The following MEIS1 variants were observed in gnomAD, a reference collection of about 807,000 sequenced individuals.
The protein encoded by MEIS1 is Meis homeobox 1.
MEIS1 carries 5 observed loss-of-function variants against 50.8 expected under a neutral mutation model. The observed-to-expected ratio is 0.10, with a 90% CI of 0.05 to 0.21. The LOEUF is 0.21. Among genes scored for constraint, MEIS1 ranks in the 10% least tolerant of loss-of-function variants. MEIS1 has a pLI of 1.00. For missense variants in MEIS1, 318 were observed against 517.3 expected (o/e 0.61, Z 3.74); for synonymous variants, 176 against 179.3 (o/e 0.98, Z 0.15).
chr2:66,532,067 G>C (rs1674405562), intron 8 of MEIS1, among the ~76,000 whole-genome samples: 1 of 152,082 alleles, frequency 6.6e-6, no homozygotes, highest in Admixed American at 6.5e-5. Flanking sequence ...TGGGTAAAAG[G>C]GAGGTTCTGA....
chr2:66,505,882 G>C (rs1403421778), intron 7 of MEIS1, among the ~76,000 whole-genome samples: 1 of 152,180 alleles, frequency 6.6e-6, no homozygotes, highest in Non-Finnish European at 1.5e-5. Flanking sequence ...CCAGCTCTGA[G>C]AAATGTATTT....
chr2:66,435,886 A>G lies in MEIS1; in HGVS notation c.12+18A>G. On this transcript the variant is annotated intron_variant, in intron 1 of 12. Transcript: ENST00000272369. ...CGCAAAGGGTACGTATTAAAAAACA[A>G]TTGTGGAACTCAAATGTGAGATTAA... 2 of 1,554,920 alleles carry G rather than the reference A, an allele frequency of 1.3e-6. No individual in the cohort carries two copies. The highest frequency in any genetic ancestry group is 1.7e-6 in the Non-Finnish European group (2 of 1,157,918).
In MEIS1 at chr2:66,459,024, G is replaced by A. The variant is rs570356126; in HGVS notation, c.631-5085G>A. 6.6e-5 allele frequency among the ~76,000 whole-genome samples: 10 copies of A among 152,274 alleles called. 1 individual carries two copies. Among genetic ancestry groups the A allele is most frequent in the African/African-American group, 1.4e-4 (6 of 41,556 alleles). On this transcript the variant is annotated intron_variant, in intron 6 of 12. Coordinates refer to ENST00000272369, the MANE Select transcript of MEIS1 (RefSeq NM_002398.3). ...CATTCATAGTGTAGAATTGTAGACA[G>A]GCACAGCAGGTCATCACAAAGCAAA... is the stretch of plus-strand genomic sequence containing the variant.
At chr2:66,471,192 C>G (rs918507923) in intron 7 of MEIS1, among the ~76,000 whole-genome samples, 1 of 152,156 alleles carries the variant, frequency 6.6e-6, no homozygotes, top group African/African-American at 2.4e-5. Context: ...TTGAATAGTT[C>G]TGACCCTCAA....
intron 7 of MEIS1, among the ~76,000 whole-genome samples, chr2:66,473,097 G>A (rs1263928794): frequency 1.3e-5 from 2 of 152,076 alleles, no homozygotes; most frequent in Admixed American, 6.5e-5. Flanking sequence ...AGTAATATAA[G>A]GCCGGGCGCG....
chr2:66,501,621 C>A (rs1673559264), intron 7 of MEIS1, among the ~76,000 whole-genome samples: 1 of 149,904 alleles, frequency 6.7e-6, no homozygotes, highest in African/African-American at 2.5e-5. Flanking sequence ...AAAGGTATTC[C>A]TATCTCAAAA....
chr2:66,555,466 C>G (rs890607536), intron 9 of MEIS1, among the ~76,000 whole-genome samples: 1 of 152,260 alleles, frequency 6.6e-6, no homozygotes, highest in East Asian at 1.9e-4. Flanking sequence ...TAAAATGTTA[C>G]TCTTCATCTT....
intron 7 of MEIS1, among the ~76,000 whole-genome samples, chr2:66,485,264 AC>A (rs1283299663): frequency 1.3e-5 from 2 of 151,108 alleles, no homozygotes; most frequent in African/African-American, 4.9e-5. Context: ...CTTGCACCCC[AC>A]CCCGACAGGC....
chr2:66,468,650 A>G (rs1002256277), intron 7 of MEIS1, among the ~76,000 whole-genome samples: 1 of 152,184 alleles, frequency 6.6e-6, no homozygotes, highest in African/African-American at 2.4e-5. Context: ...CCTATTTGAT[A>G]CACTGTTTTA....
At chr2:66,438,009 C>A in intron 2 of MEIS1, 46 bp downstream of exon 2, 1 of 1,477,930 alleles carries the variant, frequency 6.8e-7, no homozygotes, top group South Asian at 1.3e-5. Context: ...CTCAACGCTT[C>A]CCTCTTTCTC....
chr2:66,438,010 C>T (rs762646253), intron 2 of MEIS1, 47 bp downstream of exon 2: 7 of 1,479,298 alleles, frequency 4.7e-6, no homozygotes, highest in African/African-American at 1.4e-5. Context: ...TCAACGCTTC[C>T]CTCTTTCTCT....
At chr2:66,532,458 C>A (rs1161041224) in intron 8 of MEIS1, among the ~76,000 whole-genome samples, 1 of 151,830 alleles carries the variant, frequency 6.6e-6, no homozygotes, top group African/African-American at 2.4e-5. Context: ...CTGACACTCA[C>A]CCCAATTGTG....
intron 6 of MEIS1, among the ~76,000 whole-genome samples, chr2:66,444,481 G>A (rs1159308452): frequency 3.3e-5 from 5 of 152,248 alleles, no homozygotes; most frequent in Non-Finnish European, 7.3e-5. Flanking sequence ...TTTGCCCATG[G>A]GGAGCGAGAA....
intron 6 of MEIS1, among the ~76,000 whole-genome samples, chr2:66,452,364 A>G (rs567517914): frequency 2.6e-5 from 4 of 151,926 alleles, no homozygotes; most frequent in Non-Finnish European, 5.9e-5. Context: ...GAATTATACT[A>G]TAACTCTACA....
At chr2:66,494,177 T>C (rs1673340779) in intron 7 of MEIS1, among the ~76,000 whole-genome samples, 1 of 152,194 alleles carries the variant, frequency 6.6e-6, no homozygotes, top group South Asian at 2.1e-4. Context: ...TTCAATCAGT[T>C]GAATCAACAA....
At chr2:66,469,690 T>C (rs1306933893) in intron 7 of MEIS1, among the ~76,000 whole-genome samples, 2 of 152,194 alleles carry the variant, frequency 1.3e-5, no homozygotes, top group African/African-American at 2.4e-5. Flanking sequence ...CTTTGCCCTT[T>C]ATTGACCAAA....
chr2:66,493,496 A>G (rs1432583086), intron 7 of MEIS1, among the ~76,000 whole-genome samples: 1 of 152,188 alleles, frequency 6.6e-6, no homozygotes, highest in Non-Finnish European at 1.5e-5. Flanking sequence ...ATTTCCTTAT[A>G]AATGAATTAT....
At chr2:66,543,862 C>CGAGGTCTCCCTCACTGTCTATGG (rs1182738432) in intron 8 of MEIS1, among the ~76,000 whole-genome samples, 2 of 152,172 alleles carry the variant, frequency 1.3e-5, no homozygotes, top group African/African-American at 4.8e-5. Context: ...ACAACAAAGG[C>CGAGGTCTCCCTCACTGTCTATGG]GAGGTCTCCC....
chr2:66,464,120 C>G lies in MEIS1; in HGVS notation c.642C>G (p.Asn214Lys). The change falls in exon 7 of 13, where the codon AAC becomes AAG. Residue 214 changes from asparagine to lysine, a missense_variant. Asn to Lys is a moderately conservative substitution (Grantham distance 94, BLOSUM62 0). Coordinates refer to ENST00000272369, the MANE Select transcript of MEIS1 (RefSeq NM_002398.3). ...SANLTDQPSW[N>K]RDHDDTASTR... ...TTGTGCCCCCACAGCCCTCTTGGAA[C>G]AGAGATCATGATGACACGGCATCTA... The G allele has an allele frequency of 6.3e-7, 1 of 1,598,654 alleles. No individual in the cohort carries two copies. The highest frequency in any genetic ancestry group is 8.5e-7 in the Non-Finnish European group (1 of 1,172,554).
Sources: allele counts gnomAD v4.1 joint callset (sites outside exome capture counted in the v4.1 genomes callset), GRCh38; gene constraint gnomAD v4.1.1; transcripts MANE v1.5; gene names NCBI Gene and HGNC (gene_info 2026-07-23, HGNC 2026-07-21).